The following SLC35H1 variants were observed in gnomAD, a reference collection of about 807,000 sequenced individuals.
The protein encoded by SLC35H1 is ovarian cancer-overexpressed gene 1 protein.
the SLC35H1 span, among the ~76,000 whole-genome samples, chr20:46,356,803 G>A: frequency 3.9e-5 from 6 of 152,190 alleles, no homozygotes; most frequent in African/African-American, 1.4e-4. Context: ...GTTAATATCT[G>A]GCCCCCAAAG....
the SLC35H1 span, among the ~76,000 whole-genome samples, chr20:46,362,791 G>T: frequency 0.017 from 2,621 of 152,232 alleles, 67 homozygotes; most frequent in African/African-American, 0.06. Flanking sequence ...TGTTGTTGTT[G>T]TTTTGAGATG....
the SLC35H1 span, among the ~76,000 whole-genome samples, chr20:46,361,576 T>C: frequency 6.6e-6 from 1 of 152,180 alleles, no homozygotes; most frequent in African/African-American, 2.4e-5. Context: ...TTACTGCTGT[T>C]TGGGGACAGA....
At chr20:46,357,667 A>T in the SLC35H1 span, 1 of 1,614,036 alleles carries the variant, frequency 6.2e-7, no homozygotes. Context: ...GCTCAGCACC[A>T]CACGGGCCCT....
chr20:46,349,107 G>A, the SLC35H1 span: 1 of 152,268 alleles, frequency 6.6e-6, no homozygotes. Context: ...GCCGGTGTCT[G>A]GATAGCCGTG....
chr20:46,358,429 G>A, the SLC35H1 span: 1 of 1,614,220 alleles, frequency 6.2e-7, no homozygotes, highest in Non-Finnish European at 8.5e-7. Flanking sequence ...CGATGGAGAA[G>A]CAGTAGTAGA....
At chr20:46,358,816 G>C in the SLC35H1 span, 1 of 1,135,526 alleles carries the variant, frequency 8.8e-7, no homozygotes. Flanking sequence ...TGTGCTTCTC[G>C]TAGCCATGGG....
the SLC35H1 span, chr20:46,364,195 T>G: frequency 6.6e-6 from 1 of 152,246 alleles, no homozygotes; most frequent in Non-Finnish European, 1.5e-5. Flanking sequence ...AGGAGGGCGC[T>G]TGGAGACCCC....
At chr20:46,350,704 A>G in the SLC35H1 span, 1 of 1,593,920 alleles carries the variant, frequency 6.3e-7, no homozygotes, top group Non-Finnish European at 8.6e-7. Flanking sequence ...CAGAATCACT[A>G]AGAGTCACAG....
At chr20:46,357,826 C>T in the SLC35H1 span, 9 of 1,598,480 alleles carry the variant, frequency 5.6e-6, no homozygotes, top group Middle Eastern at 1.7e-4. Flanking sequence ...GCCTGCCCCC[C>T]ACCGGCTCCC....
At chr20:46,364,047 C>A in the SLC35H1 span, 9 of 152,446 alleles carry the variant, frequency 5.9e-5, 1 homozygote. Context: ...CACGTGTTTA[C>A]TGCCCGCCCC....
chr20:46,356,531 G>A, the SLC35H1 span: 3 of 1,604,592 alleles, frequency 1.9e-6, no homozygotes, highest in Non-Finnish European at 1.7e-6. Context: ...CAGACAGACA[G>A]CTTCAGCCTG....
the SLC35H1 span, chr20:46,346,890 A>G: frequency 6.9e-6 from 1 of 145,568 alleles, no homozygotes; most frequent in South Asian, 2.2e-4. Context: ...TCCATGTCAA[A>G]AAAAAAAAAA....
chr20:46,355,448 G>A, the SLC35H1 span: 1 of 652,260 alleles, frequency 1.5e-6, no homozygotes. The surrounding 1 kb of genome is among the most constrained non-coding windows in gnomAD (Gnocchi z 4.8). Flanking sequence ...TATGCCAACA[G>A]CCCTGCTTGC....
At chr20:46,351,950 G>T in the SLC35H1 span, 1 of 1,273,500 alleles carries the variant, frequency 7.9e-7, no homozygotes, top group Non-Finnish European at 1.1e-6. Context: ...TCTCTTCTCT[G>T]CAGGGCCCTG....
the SLC35H1 span, among the ~76,000 whole-genome samples, chr20:46,357,461 G>C: frequency 2.0e-5 from 3 of 152,246 alleles, no homozygotes; most frequent in Non-Finnish European, 4.4e-5. Context: ...ACAAGAGGCA[G>C]CAGCGTGGGT....
chr20:46,356,816 C>T, the SLC35H1 span, among the ~76,000 whole-genome samples: 1 of 152,200 alleles, frequency 6.6e-6, no homozygotes, highest in East Asian at 1.9e-4. Flanking sequence ...CCCCAAAGGT[C>T]GGGGGCTGCT....
chr20:46,351,756 G>A, the SLC35H1 span, among the ~76,000 whole-genome samples: 1 of 152,226 alleles, frequency 6.6e-6, no homozygotes, highest in East Asian at 1.9e-4. Context: ...TGCATTCCAG[G>A]CCTAGCAGAG....
the SLC35H1 span, chr20:46,349,398 G>C: frequency 1.3e-5 from 2 of 152,294 alleles, no homozygotes; most frequent in Non-Finnish European, 2.9e-5. Context: ...GAAGTTCCAG[G>C]AGGCTGTGTG....
chr20:46,350,971 T>G, the SLC35H1 span: 1 of 1,554,516 alleles, frequency 6.4e-7, no homozygotes. Context: ...GTGGGGGCAC[T>G]AGGTACACTC....
Sources: gnomAD v4.1 joint callset for allele counts (sites outside exome capture counted in the v4.1 genomes callset) on GRCh38, gnomAD v4.1.1 for gene constraint, Gnocchi (gnomAD v3.1) non-coding constraint, MANE v1.5 for transcripts, NCBI Gene and HGNC (gene_info 2026-07-23, HGNC 2026-07-21) for gene names.